The following TRMT11 variants were observed in gnomAD, a reference collection of about 807,000 sequenced individuals.
TRMT11 encodes tRNA methyltransferase 11, also known as tRNA (guanine(10)-N(2))-methyltransferase TRMT11.
TRMT11 carries 53 observed loss-of-function variants against 62.8 expected under a neutral mutation model. That is an observed-to-expected ratio of 0.84 (90% CI 0.68 to 1.06). TRMT11 has a LOEUF of 1.06. TRMT11 is among the 50% of genes least tolerant of loss of function. The probability of loss-of-function intolerance (pLI) is 0.00; values close to 1 mark genes in which losing one functional copy is unlikely to be tolerated. For synonymous variants in TRMT11, 188 were observed against 190.3 expected, an observed-to-expected ratio of 0.99 and a Z score of 0.10; for missense variants, 556 against 553.4, an observed-to-expected ratio of 1.00 and a Z score of -0.05.
intron 17 of TRMT11, among the ~76,000 whole-genome samples, chr6:126,063,049 G>A (rs564426488): frequency 6.6e-6 from 1 of 152,036 alleles, no homozygotes; most frequent in Non-Finnish European, 1.5e-5. Context: ...ATAATAAAGG[G>A]TATATATCAT....
intron 17 of TRMT11, among the ~76,000 whole-genome samples, chr6:126,104,368 A>T (rs1777439881): frequency 6.6e-6 from 1 of 152,210 alleles, no homozygotes; most frequent in Non-Finnish European, 1.5e-5. Context: ...GAGAAACTGG[A>T]AAGTCCAGGT....
At chr6:126,271,651 T>C in the TRMT11 span, among the ~76,000 whole-genome samples, 2 of 152,198 alleles carry the variant, frequency 1.3e-5, no homozygotes, top group African/African-American at 4.8e-5. Context: ...ACCAAAATAC[T>C]GGATTTAACA....
intron 21 of TRMT11, among the ~76,000 whole-genome samples, chr6:126,122,552 G>T (rs1777662184): frequency 6.6e-6 from 1 of 152,144 alleles, no homozygotes; most frequent in African/African-American, 2.4e-5. Context: ...TGCCATTTCA[G>T]AGAGGGCTGT....
intron 16 of TRMT11, among the ~76,000 whole-genome samples, chr6:126,049,376 G>A (rs183962800): frequency 1.3e-5 from 2 of 152,224 alleles, no homozygotes; most frequent in African/African-American, 4.8e-5. Context: ...TATTATTGAT[G>A]TTGAAGCAGG....
the TRMT11 span, among the ~76,000 whole-genome samples, chr6:126,259,738 T>C: frequency 6.6e-6 from 1 of 152,224 alleles, no homozygotes; most frequent in Non-Finnish European, 1.5e-5. Flanking sequence ...TTGCTTTATA[T>C]ATATGGGTGC....
chr6:126,264,747 G>A, the TRMT11 span, among the ~76,000 whole-genome samples: 1 of 152,108 alleles, frequency 6.6e-6, no homozygotes, highest in African/African-American at 2.4e-5. Context: ...CTGCAACACT[G>A]GATCTTCTTG....
At chr6:126,054,287 T>G (rs904412313) in intron 17 of TRMT11, among the ~76,000 whole-genome samples, 1 of 152,190 alleles carries the variant, frequency 6.6e-6, no homozygotes, top group African/African-American at 2.4e-5. Context: ...TAGGTCTCAG[T>G]TAATGCTGTC....
intron 17 of TRMT11, among the ~76,000 whole-genome samples, chr6:126,071,295 A>G (rs17053767): frequency 0.17 from 25,606 of 151,726 alleles, 7,047 homozygotes; most frequent in African/African-American, 0.58. Flanking sequence ...AAAAGTCGAC[A>G]TCGTGTTTTA....
At chr6:126,104,231 C>T (rs181062479) in intron 17 of TRMT11, among the ~76,000 whole-genome samples, 14 of 152,148 alleles carry the variant, frequency 9.2e-5, no homozygotes, top group East Asian at 5.8e-4. Flanking sequence ...GAATAGTCGC[C>T]GTTCAAAGTG....
At chr6:126,140,542 A>G (rs1777905842) in intron 21 of TRMT11, among the ~76,000 whole-genome samples, 1 of 152,060 alleles carries the variant, frequency 6.6e-6, no homozygotes, top group Non-Finnish European at 1.5e-5. Flanking sequence ...TAATGTATTC[A>G]GTGGTTACTG....
chr6:126,240,649 A>C, the TRMT11 span, among the ~76,000 whole-genome samples: 1 of 152,202 alleles, frequency 6.6e-6, no homozygotes, highest in Admixed American at 6.5e-5. Flanking sequence ...TAGGCTGCTC[A>C]GGGGTCAGGG....
At chr6:126,195,439 G>A (rs927603276) in intron 1 of TRMT11, among the ~76,000 whole-genome samples, 1 of 152,018 alleles carries the variant, frequency 6.6e-6, no homozygotes, top group Non-Finnish European at 1.5e-5. Context: ...ATCATCTTGT[G>A]TTTATTATTA....
At chr6:126,206,201 T>C (rs541059685), downstream of TRMT11, among the ~76,000 whole-genome samples, 4 of 152,374 alleles carry the variant, frequency 2.6e-5, no homozygotes, top group African/African-American at 9.6e-5. Flanking sequence ...TTAGTCCAGA[T>C]TGCTTGACAT....
chr6:126,224,740 T>TC, the TRMT11 span, among the ~76,000 whole-genome samples: 104 of 152,284 alleles, frequency 6.8e-4, no homozygotes, highest in Non-Finnish European at 1.0e-3. Context: ...AGTGAAAGAA[T>TC]GACAGGTTAC....
At chr6:126,271,487 A>T in the TRMT11 span, among the ~76,000 whole-genome samples, 565 of 146,086 alleles carry the variant, frequency 3.9e-3, 7 homozygotes, top group Non-Finnish European at 6.4e-3. Flanking sequence ...CAAATGGTTT[A>T]TATATATATA....
intron 21 of TRMT11, among the ~76,000 whole-genome samples, chr6:126,143,642 A>C (rs1394528925): frequency 6.6e-6 from 1 of 152,206 alleles, no homozygotes; most frequent in Admixed American, 6.6e-5. Flanking sequence ...CACTGACCAT[A>C]GCCCTTGAAA....
chr6:126,240,179 T>C, the TRMT11 span, among the ~76,000 whole-genome samples: 1 of 152,166 alleles, frequency 6.6e-6, no homozygotes, highest in Non-Finnish European at 1.5e-5. Context: ...TTGGAGAAGT[T>C]TGATCGTTTG....
intron 21 of TRMT11, among the ~76,000 whole-genome samples, chr6:126,148,423 C>T (rs1241519273): frequency 6.6e-6 from 1 of 152,148 alleles, no homozygotes; most frequent in African/African-American, 2.4e-5. Context: ...TCCATGAAAG[C>T]CCCTATAATG....
intron 11 of TRMT11, among the ~76,000 whole-genome samples, chr6:126,017,330 G>C (rs1357048836): frequency 1.3e-5 from 2 of 152,154 alleles, no homozygotes; most frequent in Non-Finnish European, 2.9e-5. Flanking sequence ...TGATTGAAAA[G>C]TATAAGACAT....
Sources: allele counts gnomAD v4.1 joint callset (sites outside exome capture counted in the v4.1 genomes callset), GRCh38; gene constraint gnomAD v4.1.1; transcripts MANE v1.5; gene names NCBI Gene and HGNC (gene_info 2026-07-23, HGNC 2026-07-21).